Variants in NPR3 observed in about 807,000 individuals in gnomAD.
NPR3 encodes natriuretic peptide receptor 3, also known as atrial natriuretic peptide receptor 3.
A neutral mutation model predicts 54.5 loss-of-function variants in NPR3; 34 were observed. The ratio of observed to expected loss-of-function variants is 0.62; its 90% CI spans 0.47 to 0.83. The LOEUF (loss-of-function observed/expected upper bound fraction) is 0.83. Among genes scored for constraint, NPR3 ranks in the 40% least tolerant of loss-of-function variants. The pLI, the probability that NPR3 is intolerant of heterozygous loss-of-function variation, is 0.00. For synonymous variants in NPR3, 289 were observed against 297.1 expected, an observed-to-expected ratio of 0.97 and a Z score of 0.28; for missense variants, 674 against 720.8, an observed-to-expected ratio of 0.94 and a Z score of 0.74.
At chr5:32,770,127 G>A (rs1171835138) in intron 3 of NPR3, among the ~76,000 whole-genome samples, 1 of 152,218 alleles carries the variant, frequency 6.6e-6, no homozygotes, top group African/African-American at 2.4e-5. Context: ...GCAAAGGACA[G>A]AAGCAAGAGA....
intron 3 of NPR3, among the ~76,000 whole-genome samples, chr5:32,741,747 A>G (rs536450324): frequency 6.6e-6 from 1 of 151,542 alleles, no homozygotes; most frequent in East Asian, 1.9e-4. Context: ...TTTTGTATGT[A>G]TGTAGGTTTT....
chr5:32,756,800 C>A (rs1053892555), intron 3 of NPR3, among the ~76,000 whole-genome samples: 3 of 152,160 alleles, frequency 2.0e-5, no homozygotes, highest in Non-Finnish European at 4.4e-5. Context: ...AGGAAGTGAT[C>A]CAGTTTCAGC....
intron 3 of NPR3, among the ~76,000 whole-genome samples, chr5:32,752,737 G>A (rs1312002393): frequency 1.3e-5 from 2 of 152,178 alleles, no homozygotes; most frequent in Admixed American, 1.3e-4. Context: ...AGTTTTATTA[G>A]GAAAATGTAA....
chr5:32,786,042 C>A (rs185574678), intron 7 of NPR3, among the ~76,000 whole-genome samples, 192 bp from the exon 8 acceptor site: 40 of 152,288 alleles, frequency 2.6e-4, no homozygotes, highest in South Asian at 1.2e-3. Context: ...GGAAAGCATG[C>A]CAATTTTCTC....
At chr5:32,697,488 G>T (rs1209567474) in intron 1 of NPR3, among the ~76,000 whole-genome samples, 1 of 151,632 alleles carries the variant, frequency 6.6e-6, no homozygotes, top group East Asian at 1.9e-4. Flanking sequence ...TGGTGTCAGG[G>T]TTAACACTGG....
At chr5:32,704,549 C>T (rs1054948298), upstream of NPR3, among the ~76,000 whole-genome samples, 5 of 152,064 alleles carry the variant, frequency 3.3e-5, no homozygotes, top group Admixed American at 6.6e-5. Context: ...AGTGATAATG[C>T]GCAGACATTT....
intron 4 of NPR3, among the ~76,000 whole-genome samples, chr5:32,776,336 T>A (rs1561129534): frequency 6.6e-6 from 1 of 152,120 alleles, no homozygotes; most frequent in Admixed American, 6.6e-5. Flanking sequence ...ACTTGTAAAA[T>A]TTTTTTTGCA....
intron 3 of NPR3, among the ~76,000 whole-genome samples, chr5:32,754,633 C>T (rs921366108): frequency 6.6e-6 from 1 of 152,098 alleles, no homozygotes; most frequent in Admixed American, 6.5e-5. Context: ...TTTTTCTCCT[C>T]TGGGGTGAAC....
At position 32,789,222 on chromosome 5, in the gene NPR3, A is replaced by T. The variant is rs1742780011; in HGVS notation, c.*2877A>T. On this transcript the variant is annotated 3_prime_UTR_variant, in exon 8 of 8. Transcript: ENST00000265074. ...CATTGATACAGGTCAAAATGCGTAG[A>T]TGCTTTTTGGTGTTGGAAATAAGTG... is the stretch of plus-strand genomic sequence containing the variant. 1 of 295,042 alleles carries T rather than the reference A, an allele frequency of 3.4e-6. No homozygotes were observed. The highest frequency in any genetic ancestry group is 2.2e-5 in the African/African-American group (1 of 45,308). 18.3% of individuals were successfully genotyped at this position (295,042 alleles called of 1,614,324 possible). A position where few individuals can be genotyped will look rare whatever the true frequency, so the allele number is the denominator to read the frequency against.
At chr5:32,713,222 T>C in intron 1 of NPR3, 3 of 985,468 alleles carry the variant, frequency 3.0e-6, no homozygotes, top group Non-Finnish European at 3.6e-6. Flanking sequence ...CAACGCAGTT[T>C]CTAATGCGCC....
Position 32,783,011 on chromosome 5 carries a change from G to A in NPR3, c.1409G>A (p.Ser470Asn). The A allele has an allele frequency of 1.2e-6, 2 of 1,601,728 alleles. No homozygotes were observed. Among genetic ancestry groups the A allele is most frequent in the Non-Finnish European group, 1.7e-6 (2 of 1,173,280 alleles). Reference sequence around the variant, plus strand: ...AACCGAATTGTAGAGCATACAAACAGCTCTCCCTGCAAATCATGTAAGTCT... The same window carrying A: ...AACCGAATTGTAGAGCATACAAACAACTCTCCCTGCAAATCATGTAAGTCT... The part of the protein sequence containing the change: ...DENRIVEHTN[S>N]SPCKSSGGLE... The change falls in exon 6 of 8, where the codon AGC (serine) becomes AAC (asparagine). Residue 470 changes from serine (S) to asparagine (N), a missense_variant. Coordinates refer to ENST00000265074, the MANE Select transcript of NPR3 (RefSeq NM_001204375.2).
intron 1 of NPR3, among the ~76,000 whole-genome samples, chr5:32,702,632 G>A (rs1737853455): frequency 6.6e-6 from 1 of 151,962 alleles, no homozygotes; most frequent in Non-Finnish European, 1.5e-5. Context: ...TAGTGTATAT[G>A]TGCCACATTT....
At position 32,739,183 on chromosome 5, in the gene NPR3, G is replaced by GT. The variant is rs368679421; in HGVS notation, c.1059+165dup. Among the ~76,000 whole-genome samples, 10,474 of 130,128 alleles carry GT rather than the reference G, an allele frequency of 0.08. 514 individuals carry two copies. Among genetic ancestry groups the GT allele is most frequent in the Middle Eastern group, 0.17 (42 of 254 alleles). The allele number at this position is 130,128 out of a possible 152,430, so 85.4% of individuals were successfully genotyped here. A position where few individuals can be genotyped will look rare whatever the true frequency, so the allele number is the denominator to read the frequency against. On this transcript the variant is annotated intron_variant, in intron 3 of 7. Coordinates refer to ENST00000265074, the MANE Select transcript of NPR3 (RefSeq NM_001204375.2). The stretch of plus-strand genomic sequence containing the variant: ...TTGCCTTCTGTGTGTGTGTGTGTGT[G>GT]TTTTTTTTTTTTCCTTTCTGGGTGG...
intron 3 of NPR3, among the ~76,000 whole-genome samples, chr5:32,772,399 A>G (rs1369378349): frequency 2.6e-5 from 4 of 151,990 alleles, no homozygotes; most frequent in Non-Finnish European, 5.9e-5. Flanking sequence ...CTGTGGGTCC[A>G]GCCAGCTAAC....
chr5:32,780,307 G>T (rs372366473), intron 4 of NPR3, among the ~76,000 whole-genome samples: 9 of 152,250 alleles, frequency 5.9e-5, no homozygotes, highest in African/African-American at 2.2e-4. Flanking sequence ...GGGCTGGAAT[G>T]ATTTTTCTAT....
At chr5:32,731,310 G>T (rs1436501212) in intron 2 of NPR3, among the ~76,000 whole-genome samples, 1 of 151,958 alleles carries the variant, frequency 6.6e-6, no homozygotes, top group Non-Finnish European at 1.5e-5. Flanking sequence ...TACCTTTTAC[G>T]CCATATTTGC....
At chr5:32,745,967 A>T (rs909500200) in intron 3 of NPR3, among the ~76,000 whole-genome samples, 1 of 152,156 alleles carries the variant, frequency 6.6e-6, no homozygotes, top group African/African-American at 2.4e-5. Flanking sequence ...CAGGTACATA[A>T]ATATCCATGA....
intron 1 of NPR3, among the ~76,000 whole-genome samples, chr5:32,703,078 G>A (rs937638856): frequency 2.0e-5 from 3 of 152,046 alleles, no homozygotes; most frequent in African/African-American, 7.3e-5. Context: ...CTTTTCATAA[G>A]CAAAGGAATC....
chr5:32,746,847 G>A (rs1225060682), intron 3 of NPR3, among the ~76,000 whole-genome samples: 2 of 152,140 alleles, frequency 1.3e-5, no homozygotes, highest in Non-Finnish European at 2.9e-5. Context: ...CCCATTCACT[G>A]ACTGTCCCTT....
Sources: gnomAD v4.1 joint callset for allele counts (sites outside exome capture counted in the v4.1 genomes callset) on GRCh38, gnomAD v4.1.1 for gene constraint, MANE v1.5 for transcripts, NCBI Gene and HGNC (gene_info 2026-07-23, HGNC 2026-07-21) for gene names.